ERBB4: variants seen among roughly 807,000 people sequenced by gnomAD.
The protein encoded by ERBB4 is receptor tyrosine-protein kinase erbB-4.
Under a neutral mutation model 158.0 loss-of-function variants are expected in ERBB4, and 42 were observed. The ratio of observed to expected loss-of-function variants is 0.27; its 90% confidence interval spans 0.21 to 0.34. ERBB4 has a LOEUF of 0.34. ERBB4 is among the 10% of genes least tolerant of loss of function. The probability of loss-of-function intolerance (pLI) is 1.00; values close to 1 mark genes in which losing one functional copy is unlikely to be tolerated. For synonymous variants in ERBB4, 583 were observed against 558.7 expected, an observed-to-expected ratio of 1.04 and a Z score of -0.61; for missense variants, 1,333 against 1,624.1, an observed-to-expected ratio of 0.82 and a Z score of 3.08.
chr2:211,717,003 A>G (rs1473348428), intron 7 of ERBB4, among the ~76,000 whole-genome samples: 1 of 152,216 alleles, frequency 6.6e-6, no homozygotes, highest in Non-Finnish European at 1.5e-5. Flanking sequence ...GTGAATCACT[A>G]TAAGGGCTAT....
intron 9 of ERBB4, among the ~76,000 whole-genome samples, chr2:211,708,411 C>T (rs541072016): frequency 3.9e-5 from 6 of 152,182 alleles, no homozygotes; most frequent in Non-Finnish European, 4.4e-5. Flanking sequence ...AGAAGCATGA[C>T]TCATTGTAAG....
At chr2:212,419,492 G>C (rs1574884159) in intron 1 of ERBB4, among the ~76,000 whole-genome samples, 1 of 151,872 alleles carries the variant, frequency 6.6e-6, no homozygotes, top group South Asian at 2.1e-4. Flanking sequence ...TCCTAAATTA[G>C]ACATACTACC....
In ERBB4 at chr2:211,551,818, G is replaced by A. The variant is rs117556235; in HGVS notation, c.2487+10085C>T. Among the ~76,000 whole-genome samples the A allele has an allele frequency of 9.0e-4, 137 of 152,252 alleles. 3 individuals carry two copies. In the East Asian group the frequency reaches 0.025, roughly 28 times the overall value. ...GAATTTAATTTTAATTCATGCAGAA[G>A]GAAATGGCTGGATTGAATAAGAAAT... is the stretch of plus-strand genomic sequence containing the variant. On this transcript the variant is annotated intron_variant, in intron 20 of 27. Transcript: ENST00000342788.
At chr2:212,316,729 A>C (rs1014062165) in intron 1 of ERBB4, among the ~76,000 whole-genome samples, 5 of 151,480 alleles carry the variant, frequency 3.3e-5, no homozygotes, top group African/African-American at 1.2e-4. Context: ...AAAAATGGAG[A>C]GATTTTTGAG....
At chr2:211,589,771 T>G (rs193294029) in intron 19 of ERBB4, among the ~76,000 whole-genome samples, 60 of 152,294 alleles carry the variant, frequency 3.9e-4, no homozygotes, top group Admixed American at 1.0e-3. Flanking sequence ...TAAAAAAAAC[T>G]ATTGTAAAAA....
intron 20 of ERBB4, among the ~76,000 whole-genome samples, chr2:211,465,299 C>T (rs972881428): frequency 5.3e-5 from 8 of 150,534 alleles, no homozygotes; most frequent in African/African-American, 1.9e-4. Flanking sequence ...TCAGACACCA[C>T]GTGGAACAGA....
chr2:211,934,308 T>G (rs995934610), intron 3 of ERBB4, among the ~76,000 whole-genome samples: 1 of 152,014 alleles, frequency 6.6e-6, no homozygotes, highest in East Asian at 1.9e-4. Flanking sequence ...TATACTTGGA[T>G]ATTTCAAAAT....
At chr2:212,447,243 C>T (rs1460269545) in intron 1 of ERBB4, among the ~76,000 whole-genome samples, 1 of 151,994 alleles carries the variant, frequency 6.6e-6, no homozygotes, top group Non-Finnish European at 1.5e-5. Context: ...GTGATTCGTG[C>T]ACCTCGGTCT....
At chr2:212,470,265 A>G (rs1689050126) in intron 1 of ERBB4, among the ~76,000 whole-genome samples, 1 of 152,142 alleles carries the variant, frequency 6.6e-6, no homozygotes, top group Non-Finnish European at 1.5e-5. Flanking sequence ...ATCTATCTGG[A>G]AAATAGTGCC....
At chr2:212,008,828 A>T (rs1291139254) in intron 2 of ERBB4, among the ~76,000 whole-genome samples, 1 of 152,164 alleles carries the variant, frequency 6.6e-6, no homozygotes, top group African/African-American at 2.4e-5. Context: ...TCAGAGAACT[A>T]TATTTGTTCC....
At chr2:211,677,293 A>G (rs538897954) in intron 13 of ERBB4, among the ~76,000 whole-genome samples, 43 of 152,266 alleles carry the variant, frequency 2.8e-4, no homozygotes, top group African/African-American at 1.0e-3. Context: ...GGCCGGGTGC[A>G]GTGGCTCATA....
intron 3 of ERBB4, among the ~76,000 whole-genome samples, chr2:211,858,990 C>G (rs2077944410): frequency 6.6e-6 from 1 of 152,088 alleles, no homozygotes; most frequent in Admixed American, 6.5e-5. Flanking sequence ...CCATGTTGGC[C>G]AGACTGGTCT....
At chr2:211,499,614 C>T (rs1192378052) in intron 20 of ERBB4, among the ~76,000 whole-genome samples, 1 of 152,072 alleles carries the variant, frequency 6.6e-6, no homozygotes, top group Non-Finnish European at 1.5e-5. Context: ...TACTAAGCAA[C>T]AGAGCTCAGA....
intron 3 of ERBB4, among the ~76,000 whole-genome samples, chr2:211,873,373 T>TA (rs1370993920): frequency 1.3e-5 from 2 of 148,224 alleles, no homozygotes; most frequent in African/African-American, 5.0e-5. Flanking sequence ...TTTTAAATTT[T>TA]AAAAATTATA....
At chr2:212,001,988 G>A (rs560190343) in intron 2 of ERBB4, among the ~76,000 whole-genome samples, 9 of 152,060 alleles carry the variant, frequency 5.9e-5, no homozygotes, top group Non-Finnish European at 1.2e-4. Context: ...TTATAATTTT[G>A]GCGTACATTT....
At chr2:212,004,780 TTTATA>T (rs2076221413) in intron 2 of ERBB4, among the ~76,000 whole-genome samples, 1 of 152,066 alleles carries the variant, frequency 6.6e-6, no homozygotes, top group Non-Finnish European at 1.5e-5. Flanking sequence ...TAATATTTGA[TTTATA>T]TTATAAAACT....
At chr2:211,514,416 T>C (rs2065970435) in intron 20 of ERBB4, among the ~76,000 whole-genome samples, 1 of 152,114 alleles carries the variant, frequency 6.6e-6, no homozygotes, top group South Asian at 2.1e-4. Context: ...GTTTTAGGCT[T>C]TTTAGCATCT....
chr2:212,424,756 A>G (rs528723880), intron 1 of ERBB4, among the ~76,000 whole-genome samples: 1 of 151,854 alleles, frequency 6.6e-6, no homozygotes, highest in South Asian at 2.1e-4. Flanking sequence ...GTAGAAGGGG[A>G]ATGTTGTGAA....
At chr2:211,884,827 T>C (rs1308968877) in intron 3 of ERBB4, among the ~76,000 whole-genome samples, 1 of 152,196 alleles carries the variant, frequency 6.6e-6, no homozygotes, top group African/African-American at 2.4e-5. Context: ...AACCATAACA[T>C]TGTATTTCAC....
Sources: gnomAD v4.1 joint callset for allele counts (sites outside exome capture counted in the v4.1 genomes callset) on GRCh38, gnomAD v4.1.1 for gene constraint, MANE v1.5 for transcripts, NCBI Gene and HGNC (gene_info 2026-07-23, HGNC 2026-07-21) for gene names.